KCTD20: variants seen among roughly 807,000 people sequenced by gnomAD.
KCTD20 encodes the protein BTB/POZ domain-containing protein KCTD20.
In KCTD20, 30 loss-of-function variants were observed where a neutral mutation model predicts 39.6. That is an observed-to-expected ratio of 0.76 (90% CI 0.57 to 1.03). KCTD20 has a LOEUF of 1.03. Among genes scored for constraint, KCTD20 ranks in the 50% least tolerant of loss-of-function variants. The probability of loss-of-function intolerance (pLI) is 0.00; values close to 1 mark genes in which losing one functional copy is unlikely to be tolerated. For synonymous variants in KCTD20, 162 were observed against 180.6 expected (o/e 0.90, Z 0.83); for missense variants, 422 against 522.0 (o/e 0.81, Z 1.87).
chr6:36,471,866 T>G (rs1775919184), intron 2 of KCTD20, among the ~76,000 whole-genome samples: 1 of 151,954 alleles, frequency 6.6e-6, no homozygotes, highest in Non-Finnish European at 1.5e-5. Flanking sequence ...TTTTTTTTTT[T>G]TAGACGGAGC....
intron 1 of KCTD20, among the ~76,000 whole-genome samples, chr6:36,448,015 G>GTATATATATATATATATA (rs70975158): frequency 7.8e-6 from 1 of 128,936 alleles, no homozygotes; most frequent in East Asian, 2.1e-4. Context: ...ATGTGTGTGT[G>GTATATATATATATATATA]TATATATATA....
chr6:36,447,914 C>T (rs1229120809), intron 1 of KCTD20, among the ~76,000 whole-genome samples: 1 of 150,724 alleles, frequency 6.6e-6, no homozygotes, highest in Non-Finnish European at 1.5e-5. Context: ...TCGATTGAAC[C>T]CAGAAGGTGG....
chr6:36,485,683 C>T (rs1010259137), intron 7 of KCTD20, among the ~76,000 whole-genome samples: 33 of 151,882 alleles, frequency 2.2e-4, no homozygotes, highest in African/African-American at 7.7e-4. Context: ...TTAGTAGAGA[C>T]GGTGTTTCAC....
chr6:36,445,973 TAAGAGC>T (rs1775028103), intron 1 of KCTD20, among the ~76,000 whole-genome samples: 1 of 150,066 alleles, frequency 6.7e-6, no homozygotes, highest in Non-Finnish European at 1.5e-5. Context: ...AAAGGACAAA[TAAGAGC>T]AAGAGATAGC....
At chr6:36,471,318 C>T (rs1177304472) in intron 2 of KCTD20, among the ~76,000 whole-genome samples, 1 of 152,146 alleles carries the variant, frequency 6.6e-6, no homozygotes, top group Non-Finnish European at 1.5e-5. Context: ...AGGAACTTTA[C>T]ATACATTCTT....
chr6:36,479,239 TTTTG>T lies in KCTD20; in HGVS notation c.537+19_537+22del, dbSNP rs1435211429. 1 of 1,555,488 alleles carries T rather than the reference TTTTG, an allele frequency of 6.4e-7. No individual in the cohort carries two copies. The highest frequency in any genetic ancestry group is 1.1e-5 in the South Asian group (1 of 88,454). ...CACAGTGCTGGTGTGTGGTAGCCTT[TTTTG>T]TTACATTCTCTTCCTCAGGGGCATG... On this transcript the variant is annotated intron_variant, in intron 4 of 7. Transcript: ENST00000373731.
intron 5 of KCTD20, 104 bp from the exon 6 acceptor site, chr6:36,481,458 C>T: frequency 1.2e-6 from 1 of 843,660 alleles, no homozygotes; most frequent in East Asian, 2.5e-5. Flanking sequence ...TGCCACTTCT[C>T]TGAACCTCAT....
intron 4 of KCTD20, among the ~76,000 whole-genome samples, 159 bp from the exon 5 acceptor site, chr6:36,479,432 C>T (rs1776168029): frequency 6.6e-6 from 1 of 152,154 alleles, no homozygotes; most frequent in African/African-American, 2.4e-5. Context: ...TTAAACAAGT[C>T]AAGATAGCCA....
intron 1 of KCTD20, chr6:36,451,120 C>T (rs1044447882): frequency 1.3e-5 from 2 of 152,212 alleles, no homozygotes; most frequent in South Asian, 2.1e-4. Context: ...ACATAGCGCA[C>T]TACAGCCCAG....
At chr6:36,456,424 G>A (rs984226567) in intron 1 of KCTD20, among the ~76,000 whole-genome samples, 3 of 151,934 alleles carry the variant, frequency 2.0e-5, no homozygotes, top group East Asian at 1.9e-4. Context: ...GATTACAGGC[G>A]CCCGTCACCA....
Position 36,489,235 on chromosome 6 carries a change from G to A in KCTD20, c.*2060G>A, listed in dbSNP as rs926530976. 6.6e-6 allele frequency: 1 copy of A among 152,626 alleles called. No individual in the cohort carries two copies. Among genetic ancestry groups the A allele is most frequent in the African/African-American group, 2.4e-5 (1 of 41,438 alleles). The allele number at this position is 152,626 out of a possible 1,614,324, so 9.5% of individuals were successfully genotyped here. A position where few individuals can be genotyped will look rare whatever the true frequency, so the allele number is the denominator to read the frequency against. On this transcript the variant is annotated 3_prime_UTR_variant, in exon 8 of 8. Transcript: ENST00000373731. ...GCTTATGTATTGTTAACATTTAAGT[G>A]TAAACCATGCCACAGCTAACACTTA...
rs903752431 is a variant in KCTD20, at chr6:36,487,764, C to T, written c.*589C>T. ...TAAGAGCTTAAATTCAGATTTGTGTCTCATTAATGCAGTGAACAATTCAAA... is the reference window on the plus strand; with the variant it reads ...TAAGAGCTTAAATTCAGATTTGTGTTTCATTAATGCAGTGAACAATTCAAA... On this transcript the variant is annotated 3_prime_UTR_variant, in exon 8 of 8. Transcript: ENST00000373731. 1.3e-5 allele frequency: 2 copies of T among 152,288 alleles called. No homozygotes were observed. The highest frequency in any genetic ancestry group is 4.8e-5 in the African/African-American group (2 of 41,412). The allele number at this position is 152,288 out of a possible 1,614,324, so 9.4% of individuals were successfully genotyped here. A position where few individuals can be genotyped will look rare whatever the true frequency, so the allele number is the denominator to read the frequency against.
At chr6:36,472,144 G>A (rs1049460551) in intron 2 of KCTD20, among the ~76,000 whole-genome samples, 1 of 152,118 alleles carries the variant, frequency 6.6e-6, no homozygotes, top group Non-Finnish European at 1.5e-5. Flanking sequence ...CACGGCGCCC[G>A]GCCCAGGTAT....
intron 1 of KCTD20, among the ~76,000 whole-genome samples, chr6:36,461,869 G>A (rs565989846): frequency 1.1e-4 from 16 of 152,186 alleles, no homozygotes; most frequent in African/African-American, 3.9e-4. Flanking sequence ...CCTGTGATTT[G>A]TAGAGAAGGA....
At chr6:36,476,464 C>A (rs1776068275) in intron 3 of KCTD20, among the ~76,000 whole-genome samples, 1 of 145,660 alleles carries the variant, frequency 6.9e-6, no homozygotes, top group Non-Finnish European at 1.5e-5. Context: ...GAGTCTCACT[C>A]TGTCACCAAG....
intron 2 of KCTD20, among the ~76,000 whole-genome samples, chr6:36,472,626 A>G (rs1005531646): frequency 4.5e-4 from 68 of 151,888 alleles, no homozygotes; most frequent in African/African-American, 1.6e-3. Context: ...GGGCGTATGT[A>G]TTATATTAAG....
At chr6:36,454,641 C>T (rs1775374894) in intron 1 of KCTD20, among the ~76,000 whole-genome samples, 2 of 143,144 alleles carry the variant, frequency 1.4e-5, no homozygotes, top group Non-Finnish European at 1.5e-5. Flanking sequence ...TGTGCCCAGC[C>T]TTTTTTTTTT....
At chr6:36,471,753 T>G (rs961025969) in intron 2 of KCTD20, among the ~76,000 whole-genome samples, 22 of 152,232 alleles carry the variant, frequency 1.4e-4, no homozygotes, top group Admixed American at 2.6e-4. Flanking sequence ...CTGAGGTGTC[T>G]TCTTTGGGTT....
chr6:36,451,004 T>TG (rs36104136), intron 1 of KCTD20: 31,567 of 152,122 alleles, frequency 0.21, 3,409 homozygotes, highest in East Asian at 0.39. Context: ...AGTTTTGACT[T>TG]GCCTGTTTCC....
Sources: gnomAD v4.1 joint callset for allele counts (sites outside exome capture counted in the v4.1 genomes callset) on GRCh38, gnomAD v4.1.1 for gene constraint, MANE v1.5 for transcripts, NCBI Gene and HGNC (gene_info 2026-07-23, HGNC 2026-07-21) for gene names.